The following RSPH9 variants were observed in gnomAD, a reference collection of about 807,000 sequenced individuals.
The protein encoded by RSPH9 is radial spoke head component 9.
In RSPH9, 27 loss-of-function variants were observed where a neutral mutation model predicts 27.0. The ratio of observed to expected loss-of-function variants is 1.00; its 90% CI spans 0.74 to 1.38. The LOEUF is 1.38. RSPH9 is among the 40% of genes most tolerant of loss of function. The pLI is 0.00. For missense variants in RSPH9, 347 were observed against 357.4 expected, an observed-to-expected ratio of 0.97 and a Z score of 0.24; for synonymous variants, 145 against 147.7, an observed-to-expected ratio of 0.98 and a Z score of 0.13.
At position 43,672,375 on chromosome 6, in the gene RSPH9, C is replaced by T. The variant is rs1159538816; in HGVS notation, c.*1426C>T. 1.1e-5 allele frequency: 5 copies of T among 471,714 alleles called. No individual in the cohort carries two copies. Among genetic ancestry groups the T allele is most frequent in the Admixed American group, 7.0e-5 (3 of 42,584 alleles). 29.2% of individuals were successfully genotyped at this position (471,714 alleles called of 1,614,324 possible). A position where few individuals can be genotyped will look rare whatever the true frequency, so the allele number is the denominator to read the frequency against. On this transcript the variant is annotated 3_prime_UTR_variant, in exon 5 of 5. Coordinates refer to ENST00000372163, the MANE Select transcript of RSPH9 (RefSeq NM_152732.5). ...ACTATAACTGGTATAAGACCCCTGC[C>T]CCTCACCCAACCTGTGATGGGAATC...
intron 4 of RSPH9, among the ~76,000 whole-genome samples, chr6:43,667,515 G>A (rs1476034129): frequency 6.7e-6 from 1 of 150,356 alleles, no homozygotes; most frequent in Non-Finnish European, 1.5e-5. Context: ...GCATGGGCGC[G>A]GGGGGGAACA....
chr6:43,660,535 C>T (rs1772504363), intron 4 of RSPH9, among the ~76,000 whole-genome samples: 2 of 152,066 alleles, frequency 1.3e-5, no homozygotes, highest in Admixed American at 6.6e-5. Context: ...ATGATCTCAG[C>T]TCACTGCAAC....
chr6:43,667,370 C>T (rs927141559), intron 4 of RSPH9, among the ~76,000 whole-genome samples: 2 of 152,212 alleles, frequency 1.3e-5, no homozygotes, highest in Non-Finnish European at 2.9e-5. Context: ...GGCTCCTTCC[C>T]AAGCAATTCC....
intron 4 of RSPH9, among the ~76,000 whole-genome samples, chr6:43,670,456 A>G (rs528068702): frequency 1.8e-4 from 27 of 152,288 alleles, no homozygotes; most frequent in Non-Finnish European, 3.4e-4. Flanking sequence ...CAGAAAAGTT[A>G]GCTGGGTATG....
intron 4 of RSPH9, among the ~76,000 whole-genome samples, chr6:43,668,585 A>G (rs1420481150): frequency 5.9e-5 from 9 of 152,128 alleles, no homozygotes; most frequent in Admixed American, 2.0e-4. Context: ...TGCATTATCT[A>G]CTGGAGGCAA....
intron 1 of RSPH9, among the ~76,000 whole-genome samples, chr6:43,646,269 C>G (rs1042392268): frequency 2.1e-4 from 32 of 151,948 alleles, no homozygotes; most frequent in African/African-American, 7.5e-4. Flanking sequence ...GTGGCTGGGA[C>G]TACAGGCGCC....
At chr6:43,648,183 C>T (rs1771083528) in intron 1 of RSPH9, among the ~76,000 whole-genome samples, 1 of 151,910 alleles carries the variant, frequency 6.6e-6, no homozygotes, top group African/African-American at 2.4e-5. Flanking sequence ...GCAGGAGAAT[C>T]GCCTGAACCC....
At chr6:43,666,537 G>A (rs1331698955) in intron 4 of RSPH9, 13 of 1,501,382 alleles carry the variant, frequency 8.7e-6, no homozygotes, top group Middle Eastern at 1.8e-4. Context: ...CAACGACTCC[G>A]CATCTTGTCC....
Position 43,672,481 on chromosome 6 carries a change from G to A in RSPH9, c.*1532G>A, listed in dbSNP as rs770292618. Reference sequence around the variant, plus strand: ...AGGGGGGTGGGGAAAGATGGCTGCCGCCCATGGACCTTTGGCCTCCTTTGG... The same window carrying A: ...AGGGGGGTGGGGAAAGATGGCTGCCACCCATGGACCTTTGGCCTCCTTTGG... On this transcript the variant is annotated 3_prime_UTR_variant, in exon 5 of 5. Transcript: ENST00000372163. 180 of 468,392 alleles carry A rather than the reference G, an allele frequency of 3.8e-4. 3 individuals carry two copies. Among genetic ancestry groups the A allele is most frequent in the Non-Finnish European group, 6.6e-5 (15 of 225,884 alleles). 29.0% of individuals were successfully genotyped at this position (468,392 alleles called of 1,614,324 possible).
intron 2 of RSPH9, among the ~76,000 whole-genome samples, chr6:43,652,730 GTTTT>G (rs60114676): frequency 1.6e-5 from 2 of 126,796 alleles, no homozygotes; most frequent in Non-Finnish European, 3.2e-5. Context: ...CCAACTTCCG[GTTTT>G]TTTTTTTTTT....
intron 1 of RSPH9, among the ~76,000 whole-genome samples, chr6:43,646,439 T>C (rs1770876926): frequency 6.6e-6 from 1 of 151,476 alleles, no homozygotes; most frequent in Non-Finnish European, 1.5e-5. Context: ...TTTATTTATT[T>C]ATTATTTTTG....
chr6:43,668,102 G>A (rs1405218700), intron 4 of RSPH9, among the ~76,000 whole-genome samples: 2 of 152,136 alleles, frequency 1.3e-5, no homozygotes, highest in East Asian at 3.9e-4. Flanking sequence ...GGGCAGGAGG[G>A]ATTTGGGGAG....
chr6:43,657,921 G>A (rs1052088291), intron 4 of RSPH9, among the ~76,000 whole-genome samples: 3 of 152,210 alleles, frequency 2.0e-5, no homozygotes, highest in Admixed American at 2.0e-4. Context: ...GTATTTGGAT[G>A]CAAGAATTAA....
At chr6:43,647,418 T>C (rs1771003130) in intron 1 of RSPH9, among the ~76,000 whole-genome samples, 1 of 152,178 alleles carries the variant, frequency 6.6e-6, no homozygotes, top group Non-Finnish European at 1.5e-5. Context: ...TCCATTGTAG[T>C]GTCCATATGA....
chr6:43,664,018 G>T (rs1261508653), intron 4 of RSPH9, among the ~76,000 whole-genome samples: 1 of 125,620 alleles, frequency 8.0e-6, no homozygotes, highest in Non-Finnish European at 1.6e-5. Context: ...GACAGAATGA[G>T]AATGTCTCGA....
chr6:43,645,264 G>A lies in RSPH9; in HGVS notation c.166G>A (p.Asp56Asn). Residue 56 changes from aspartate to asparagine, a missense_variant, in exon 1 of 5, where the codon GAT (aspartate) becomes AAT (asparagine). Coordinates refer to ENST00000372163, the MANE Select transcript of RSPH9 (RefSeq NM_152732.5). ...GGGCCGCATCCTTGGCCTCGTCGCC[G>A]ATTACTACATCGCGCAGGGCCTGAG... ...FWGRILGLVA[D>N]YYIAQGLSED... The A allele has an allele frequency of 6.2e-7, 1 of 1,613,858 alleles. No individual in the cohort carries two copies. The highest frequency in any genetic ancestry group is 8.5e-7 in the Non-Finnish European group (1 of 1,179,968).
chr6:43,664,202 T>TGTG, intron 4 of RSPH9, among the ~76,000 whole-genome samples: 1 of 151,898 alleles, frequency 6.6e-6, no homozygotes, highest in Non-Finnish European at 1.5e-5. Flanking sequence ...AAAGTAAACC[T>TGTG]GTGATGATGA....
At chr6:43,666,598 C>A in intron 4 of RSPH9, 1 of 933,322 alleles carries the variant, frequency 1.1e-6, no homozygotes, top group Admixed American at 2.3e-5. Context: ...AGTGGGAGAG[C>A]TGTTGTCCTC....
At chr6:43,669,126 G>C (rs1373587567) in intron 4 of RSPH9, among the ~76,000 whole-genome samples, 1 of 152,188 alleles carries the variant, frequency 6.6e-6, no homozygotes, top group South Asian at 2.1e-4. Flanking sequence ...CTTCTCAGGG[G>C]CAGTGTTCCA....
Sources: allele counts gnomAD v4.1 joint callset (sites outside exome capture counted in the v4.1 genomes callset), GRCh38; gene constraint gnomAD v4.1.1; transcripts MANE v1.5; gene names NCBI Gene and HGNC (gene_info 2026-07-23, HGNC 2026-07-21).